Variants in APBA2 observed in about 807,000 individuals in gnomAD.
APBA2 encodes the protein amyloid-beta A4 precursor protein-binding family A member 2.
In APBA2, 30 loss-of-function variants were observed where a neutral mutation model predicts 75.0. That is an observed-to-expected ratio of 0.40 (90% confidence interval 0.30 to 0.54). APBA2 has a LOEUF of 0.54. APBA2 is among the 20% of genes least tolerant of loss of function. APBA2 has a pLI of 0.49. For missense variants in APBA2, 801 were observed against 1,016.1 expected, an observed-to-expected ratio of 0.79 and a Z score of 2.88; for synonymous variants, 444 against 409.6, an observed-to-expected ratio of 1.08 and a Z score of -1.01.
At chr15:29,022,090 C>T (rs947153229) in intron 3 of APBA2, among the ~76,000 whole-genome samples, 1 of 152,140 alleles carries the variant, frequency 6.6e-6, no homozygotes, top group South Asian at 2.1e-4. Flanking sequence ...TGAATAATGC[C>T]GCAGTGAGCG....
intron 3 of APBA2, 28 bp from the exon 4 acceptor site, chr15:29,053,817 C>T (rs1286335023): frequency 1.2e-5 from 18 of 1,442,104 alleles, no homozygotes; most frequent in Non-Finnish European, 1.7e-5. Context: ...GGTTTTGACT[C>T]TGTCCTTCCC....
At chr15:28,988,366 C>T (rs1293485642) in intron 2 of APBA2, among the ~76,000 whole-genome samples, 5 of 151,258 alleles carry the variant, frequency 3.3e-5, no homozygotes, top group African/African-American at 2.4e-5. Flanking sequence ...TGGGTTCAAG[C>T]GATTCTCCTA....
At chr15:29,064,308 T>C (rs62007198) in intron 4 of APBA2, among the ~76,000 whole-genome samples, 33,800 of 152,188 alleles carry the variant, frequency 0.22, 4,661 homozygotes, top group African/African-American at 0.39. Flanking sequence ...CCTGCTGGGC[T>C]GCTCCTGATG....
chr15:28,927,324 G>A (rs890922224), intron 2 of APBA2, among the ~76,000 whole-genome samples: 1 of 140,314 alleles, frequency 7.1e-6, no homozygotes, highest in Non-Finnish European at 1.5e-5. Context: ...CTAGGTGTAG[G>A]GTATTTTGCT....
intron 6 of APBA2, among the ~76,000 whole-genome samples, chr15:29,088,072 T>C (rs2043374160): frequency 6.6e-6 from 1 of 152,164 alleles, no homozygotes; most frequent in Admixed American, 6.5e-5. Flanking sequence ...GCCCCCTCTC[T>C]GGCTCCTGCC....
intron 13 of APBA2, among the ~76,000 whole-genome samples, chr15:29,109,302 G>A (rs916481578): frequency 2.0e-5 from 3 of 152,230 alleles, no homozygotes; most frequent in African/African-American, 7.2e-5. Flanking sequence ...TCAGGGTGGA[G>A]TCCCAGGGCT....
intron 13 of APBA2, among the ~76,000 whole-genome samples, chr15:29,111,768 C>A (rs957830005): frequency 6.6e-6 from 1 of 152,104 alleles, no homozygotes; most frequent in Non-Finnish European, 1.5e-5. Context: ...CAGGCCAGGG[C>A]TCATCCACCC....
At position 29,105,544 on chromosome 15, in the gene APBA2, G is replaced by A. The variant is rs1309588545; in HGVS notation, c.1690G>A (p.Glu564Lys). The A allele has an allele frequency of 5.0e-6, 8 of 1,613,518 alleles. No homozygotes were observed. The highest frequency in any genetic ancestry group is 6.8e-6 in the Non-Finnish European group (8 of 1,180,030). Residue 564 changes from glutamate (E) to lysine (K), a missense_variant, in exon 11 of 15, where the codon GAG becomes AAG. Physicochemically the swap from Glu to Lys is moderately conservative, Grantham distance 56. Around this residue, in one of 2 missense-constraint regions of APBA2, gnomAD observed 367 missense variants for 544.5 expected, o/e 0.67. Coordinates refer to ENST00000683413, the MANE Select transcript of APBA2 (RefSeq NM_001353788.2). ...CGACCTCATCCACTTCTCAAACTCG[G>A]AGAACTGCAAGGAGGTAAGCCACAC... ...NDDLIHFSNSENCKELQLEKH... is the reference protein window; with the variant it reads ...NDDLIHFSNSKNCKELQLEKH...
intron 3 of APBA2, among the ~76,000 whole-genome samples, chr15:29,029,290 C>T (rs2040372971): frequency 6.6e-6 from 1 of 151,414 alleles, no homozygotes; most frequent in African/African-American, 2.4e-5. Flanking sequence ...TTGTTTTTGT[C>T]AGGTCTGTTG....
intron 2 of APBA2, among the ~76,000 whole-genome samples, chr15:28,994,629 T>G (rs2878831): frequency 0.079 from 12,010 of 152,244 alleles, 655 homozygotes; most frequent in East Asian, 0.27. Context: ...AGAAGTATCT[T>G]CCCTGGGCCA....
intron 13 of APBA2, among the ~76,000 whole-genome samples, chr15:29,109,707 A>G (rs909812484): frequency 1.3e-5 from 2 of 152,182 alleles, no homozygotes; most frequent in Admixed American, 6.5e-5. Flanking sequence ...ACGAAGAGGG[A>G]CAGGGGCATC....
At chr15:29,111,307 C>T (rs1268097189) in intron 13 of APBA2, among the ~76,000 whole-genome samples, 2 of 152,048 alleles carry the variant, frequency 1.3e-5, no homozygotes, top group Non-Finnish European at 2.9e-5. Flanking sequence ...TTGTTCCACC[C>T]TCTGGCTCTG....
chr15:29,063,663 C>T (rs966970999), intron 4 of APBA2, among the ~76,000 whole-genome samples: 2 of 146,302 alleles, frequency 1.4e-5, no homozygotes, highest in Non-Finnish European at 3.0e-5. Context: ...GGGAGTTGAT[C>T]TGGGTCAGTG....
intron 3 of APBA2, among the ~76,000 whole-genome samples, chr15:28,999,426 A>G (rs1420804765): frequency 1.3e-5 from 2 of 152,262 alleles, no homozygotes; most frequent in Non-Finnish European, 2.9e-5. Context: ...AGCAAATACT[A>G]TGAAGAAGAA....
chr15:28,893,316 G>GGT (rs931291829), intron 1 of APBA2, among the ~76,000 whole-genome samples: 7 of 152,088 alleles, frequency 4.6e-5, no homozygotes, highest in Admixed American at 4.6e-4. Flanking sequence ...CCAGGTTTAG[G>GGT]GTGTGTGTGT....
At chr15:29,026,569 G>T (rs1027542622) in intron 3 of APBA2, among the ~76,000 whole-genome samples, 1 of 152,142 alleles carries the variant, frequency 6.6e-6, no homozygotes, top group Non-Finnish European at 1.5e-5. Context: ...CTTCTGTAAA[G>T]AAGAGATTTT....
At chr15:28,920,956 T>TGCTG (rs2152669638) in intron 1 of APBA2, among the ~76,000 whole-genome samples, 1 of 152,276 alleles carries the variant, frequency 6.6e-6, no homozygotes, top group Non-Finnish European at 1.5e-5. Flanking sequence ...TGCTGATCAG[T>TGCTG]AAGGGGTGCT....
chr15:28,979,243 C>T (rs1390850180), intron 2 of APBA2, among the ~76,000 whole-genome samples: 2 of 152,176 alleles, frequency 1.3e-5, no homozygotes, highest in Non-Finnish European at 2.9e-5. Context: ...GCCCTACCAC[C>T]AAGCCCTCTC....
At chr15:29,093,358 T>C in intron 7 of APBA2, 138 bp downstream of exon 7, 7 of 1,329,330 alleles carry the variant, frequency 5.3e-6, no homozygotes, top group Non-Finnish European at 7.3e-6. Context: ...GCGGCCCAGG[T>C]GCCAACGAGG....
Sources: allele counts gnomAD v4.1 joint callset (sites outside exome capture counted in the v4.1 genomes callset), GRCh38; gene constraint gnomAD v4.1.1; regional missense constraint gnomAD v4.1.1; transcripts MANE v1.5; gene names NCBI Gene and HGNC (gene_info 2026-07-23, HGNC 2026-07-21).